Variants in DNAH11 observed in about 807,000 individuals in gnomAD.
DNAH11 encodes the protein axonemal beta dynein heavy chain 11.
Under a neutral mutation model 526.0 loss-of-function variants are expected in DNAH11, and 442 were observed. The observed-to-expected ratio is 0.84, with a 90% CI of 0.78 to 0.91. The LOEUF is 0.91. Among genes scored for constraint, DNAH11 ranks in the 40% least tolerant of loss-of-function variants. The pLI, the probability that DNAH11 is intolerant of heterozygous loss-of-function variation, is 0.00. For synonymous variants in DNAH11, 2,461 were observed against 1,935.9 expected (o/e 1.27, Z -7.12); for missense variants, 6,989 against 5,448.7 (o/e 1.28, Z -8.90).
intron 14 of DNAH11, among the ~76,000 whole-genome samples, chr7:21,593,238 G>C (rs1034584467): frequency 6.6e-6 from 1 of 152,164 alleles, no homozygotes; most frequent in African/African-American, 2.4e-5. Flanking sequence ...GTCCCATCCT[G>C]ACGTAGGACC....
At chr7:21,578,840 C>G (rs1025319889) in intron 8 of DNAH11, among the ~76,000 whole-genome samples, 4 of 152,192 alleles carry the variant, frequency 2.6e-5, no homozygotes, top group African/African-American at 9.6e-5. Context: ...TCATACACAT[C>G]TCAAAATCAC....
At chr7:21,620,493 C>T (rs1286115917) in intron 25 of DNAH11, among the ~76,000 whole-genome samples, 1 of 151,776 alleles carries the variant, frequency 6.6e-6, no homozygotes, top group Non-Finnish European at 1.5e-5. Flanking sequence ...CTTTTTGTTC[C>T]TGGCTTATTT....
intron 7 of DNAH11, among the ~76,000 whole-genome samples, chr7:21,571,214 T>C (rs946132180): frequency 6.6e-6 from 1 of 152,176 alleles, no homozygotes; most frequent in African/African-American, 2.4e-5. Context: ...TTTAGGAAGA[T>C]ATAAAATTGG....
intron 48 of DNAH11, 104 bp from the exon 49 acceptor site, chr7:21,741,823 T>A (rs1785911181): frequency 7.6e-7 from 1 of 1,314,388 alleles, no homozygotes; most frequent in East Asian, 2.5e-5. Context: ...AAAAGCTACA[T>A]GGTAATGGGC....
intron 55 of DNAH11, among the ~76,000 whole-genome samples, chr7:21,766,692 T>C (rs377285898): frequency 6.8e-6 from 1 of 147,976 alleles, no homozygotes; most frequent in Non-Finnish European, 1.5e-5. Context: ...GTTCATAATA[T>C]CATTTTCCTT....
chr7:21,707,806 T>C lies in DNAH11; in HGVS notation c.6654T>C (p.His2218=). 1 of 1,606,892 alleles carries C rather than the reference T, an allele frequency of 6.2e-7. No individual in the cohort carries two copies. Among genetic ancestry groups the C allele is most frequent in the Non-Finnish European group, 8.5e-7 (1 of 1,177,506 alleles). The change falls in exon 40 of 82, where the codon CAT becomes CAC. Residue 2218 remains histidine (H), a synonymous_variant. Transcript: ENST00000409508. ...VTTDELFGFI[H]HATREWKDGK... The stretch of plus-strand genomic sequence containing the variant: ...CAGATGAACTCTTTGGTTTCATACA[T>C]CATGCTACCCGAGAATGGAAAGATG...
chr7:21,550,439 G>A (rs752330126), intron 2 of DNAH11, among the ~76,000 whole-genome samples: 6 of 152,194 alleles, frequency 3.9e-5, no homozygotes, highest in Non-Finnish European at 5.9e-5. Context: ...ATAGTAGGGA[G>A]ATGTCTAGCT....
chr7:21,744,722 C>T (rs1438071532), intron 50 of DNAH11, 123 bp downstream of exon 50: 28 of 1,435,424 alleles, frequency 2.0e-5, no homozygotes, highest in Non-Finnish European at 2.5e-5. Context: ...GCTGTGAATC[C>T]AGAATACACT....
At chr7:21,783,508 C>T (rs1788042446) in intron 57 of DNAH11, among the ~76,000 whole-genome samples, 1 of 152,126 alleles carries the variant, frequency 6.6e-6, no homozygotes, top group African/African-American at 2.4e-5. Context: ...CGGGAACCGT[C>T]TCCCATGGTG....
At chr7:21,571,037 G>C (rs1435408252) in intron 7 of DNAH11, among the ~76,000 whole-genome samples, 3 of 152,126 alleles carry the variant, frequency 2.0e-5, no homozygotes, top group Admixed American at 1.3e-4. Context: ...ACTTAAATGA[G>C]CCTGAATGCC....
intron 23 of DNAH11, chr7:21,618,047 C>T (rs944368398): frequency 1.3e-5 from 4 of 296,476 alleles, no homozygotes; most frequent in Non-Finnish European, 2.5e-5. Flanking sequence ...TGTCCACGTT[C>T]AGTACACAGA....
chr7:21,645,676 T>TATATCTAAAAATCAGATATCTAAATCAG lies in DNAH11; in HGVS notation c.4944+6680_4944+6707dup, dbSNP rs1357075363. ...CAGGGTAGGGGGAGGAGGAATCTAC[T>TATATCTAAAAATCAGATATCTAAATCAG]ATATCTAAAAATCAGATATCTAAAT... On this transcript the variant is annotated intron_variant, in intron 28 of 81. Transcript: ENST00000409508. Among the ~76,000 whole-genome samples, 84 of 135,902 alleles carry TATATCTAAAAATCAGATATCTAAATCAG rather than the reference T, an allele frequency of 6.2e-4. 2 individuals are homozygous for TATATCTAAAAATCAGATATCTAAATCAG. Among genetic ancestry groups the TATATCTAAAAATCAGATATCTAAATCAG allele is most frequent in the African/African-American group, 1.2e-3 (39 of 33,210 alleles). 89.2% of individuals were successfully genotyped at this position (135,902 alleles called of 152,430 possible).
chr7:21,639,902 AT>A lies in DNAH11; in HGVS notation c.4944+843del, dbSNP rs545268008. Among the ~76,000 whole-genome samples, 641 of 151,586 alleles carry A rather than the reference AT, an allele frequency of 4.2e-3. 3 individuals carry two copies. Among genetic ancestry groups the A allele is most frequent in the Non-Finnish European group, 6.8e-3 (459 of 67,888 alleles). ...TTCTCAGAAAAATTTTACTCTAGATATTTTTTGTGCCATTTTCTTTAGAATC... is the reference window on the plus strand; with the variant it reads ...TTCTCAGAAAAATTTTACTCTAGATATTTTTGTGCCATTTTCTTTAGAATC... On this transcript the variant is annotated intron_variant, in intron 28 of 81. Coordinates refer to ENST00000409508, the MANE Select transcript of DNAH11 (RefSeq NM_001277115.2).
intron 52 of DNAH11, 92 bp downstream of exon 52, chr7:21,748,834 G>C: frequency 7.2e-7 from 1 of 1,387,728 alleles, no homozygotes; most frequent in Non-Finnish European, 9.5e-7. Flanking sequence ...GTGACTCCCA[G>C]ATTTGGCCAA....
Position 21,563,233 on chromosome 7 carries a change from G to A in DNAH11, c.983-953G>A, listed in dbSNP as rs1046697067. On this transcript the variant is annotated intron_variant, in intron 5 of 81. Coordinates refer to ENST00000409508, the MANE Select transcript of DNAH11 (RefSeq NM_001277115.2). The stretch of plus-strand genomic sequence containing the variant: ...TCTTCCTTTTTCTTTTTTGGAGACA[G>A]GGTCTTGCTCTGTTGCCCAGGCTGG... Among the ~76,000 whole-genome samples the A allele has an allele frequency of 3.3e-5, 5 of 151,620 alleles. 1 individual carries two copies. In the South Asian group the frequency reaches 8.3e-4, roughly 25 times the overall value.
intron 79 of DNAH11, among the ~76,000 whole-genome samples, chr7:21,896,653 C>A (rs1259674374): frequency 6.6e-6 from 1 of 152,216 alleles, no homozygotes; most frequent in Non-Finnish European, 1.5e-5. Context: ...CTACATTTAT[C>A]TGCCTGACCT....
intron 58 of DNAH11, among the ~76,000 whole-genome samples, chr7:21,785,564 AAG>A (rs1224697697): frequency 6.6e-6 from 1 of 152,192 alleles, no homozygotes; most frequent in African/African-American, 2.4e-5. Context: ...GGCAAAAAGT[AAG>A]AGTAATTGGT....
intron 65 of DNAH11, among the ~76,000 whole-genome samples, chr7:21,834,193 A>G (rs537619014): frequency 1.2e-4 from 18 of 152,326 alleles, no homozygotes; most frequent in African/African-American, 4.3e-4. Flanking sequence ...AGAAATCAAT[A>G]ACAGGAGAAA....
chr7:21,595,377 G>C (rs1444184649), intron 14 of DNAH11, among the ~76,000 whole-genome samples: 2 of 152,204 alleles, frequency 1.3e-5, no homozygotes, highest in Non-Finnish European at 1.5e-5. Context: ...TCAGACAGTG[G>C]CACAGGCACG....
Sources: gnomAD v4.1 joint callset for allele counts (sites outside exome capture counted in the v4.1 genomes callset) on GRCh38, gnomAD v4.1.1 for gene constraint, MANE v1.5 for transcripts, NCBI Gene and HGNC (gene_info 2026-07-23, HGNC 2026-07-21) for gene names.